Variants in TAFA1 observed in about 807,000 individuals in gnomAD.
The protein encoded by TAFA1 is chemokine-like protein TAFA-1.
In TAFA1, 4 loss-of-function variants were observed where a neutral mutation model predicts 18.5. The ratio of observed to expected loss-of-function variants is 0.22; its 90% confidence interval spans 0.11 to 0.49. The LOEUF (loss-of-function observed/expected upper bound fraction) is 0.49, where lower values mean the gene tolerates loss of function less well. Among genes scored for constraint, TAFA1 ranks in the 20% least tolerant of loss-of-function variants. TAFA1 has a pLI of 0.98. For synonymous variants in TAFA1, 56 were observed against 55.2 expected (o/e 1.01, Z -0.06); for missense variants, 147 against 169.0 (o/e 0.87, Z 0.72).
chr3:68,165,666 A>T (rs2065974465), intron 2 of TAFA1, among the ~76,000 whole-genome samples: 2 of 152,244 alleles, frequency 1.3e-5, no homozygotes, highest in Non-Finnish European at 2.9e-5. Flanking sequence ...CTGTTTATTT[A>T]ACAAATATTT....
At chr3:68,369,950 G>A (rs993505878) in intron 2 of TAFA1, among the ~76,000 whole-genome samples, 93 of 151,928 alleles carry the variant, frequency 6.1e-4, no homozygotes, top group Admixed American at 5.8e-3. Flanking sequence ...GCTGAATGCC[G>A]AAATGTATAT....
chr3:68,334,904 A>G, intron 2 of TAFA1, among the ~76,000 whole-genome samples: 1 of 152,184 alleles, frequency 6.6e-6, no homozygotes, highest in Non-Finnish European at 1.5e-5. Flanking sequence ...AAGGTGTCAC[A>G]CATCACTTAT....
chr3:68,451,205 C>T (rs570390357), intron 3 of TAFA1, among the ~76,000 whole-genome samples: 32 of 152,312 alleles, frequency 2.1e-4, no homozygotes, highest in African/African-American at 7.0e-4. Context: ...CTGACCACCT[C>T]ACTCATGCAA....
At chr3:68,305,421 A>G (rs1172577675) in intron 2 of TAFA1, among the ~76,000 whole-genome samples, 3 of 63,370 alleles carry the variant, frequency 4.7e-5, no homozygotes, top group African/African-American at 9.7e-5. Context: ...ATATATATAT[A>G]TATATATATA....
intron 3 of TAFA1, among the ~76,000 whole-genome samples, chr3:68,527,816 T>A (rs1341689680): frequency 6.6e-6 from 1 of 151,734 alleles, no homozygotes; most frequent in Non-Finnish European, 1.5e-5. Flanking sequence ...TTAAAAAAAA[T>A]CTACCGACTG....
intron 2 of TAFA1, among the ~76,000 whole-genome samples, chr3:68,118,262 C>A (rs1252704618): frequency 6.6e-6 from 1 of 152,114 alleles, no homozygotes; most frequent in Non-Finnish European, 1.5e-5. Context: ...TCAAGGAGCA[C>A]ACAACCTAGA....
chr3:68,074,481 T>C (rs1009923905), intron 2 of TAFA1, among the ~76,000 whole-genome samples: 1 of 152,128 alleles, frequency 6.6e-6, no homozygotes, highest in Non-Finnish European at 1.5e-5. Context: ...TGGGCAAATA[T>C]TAAACTTCTT....
chr3:67,998,492 T>A, the TAFA1 span, among the ~76,000 whole-genome samples: 1 of 152,206 alleles, frequency 6.6e-6, no homozygotes, highest in African/African-American at 2.4e-5. Context: ...AACAATGTGA[T>A]CCTTCCCCCT....
At chr3:68,204,723 C>T (rs1287465641) in intron 2 of TAFA1, among the ~76,000 whole-genome samples, 1 of 151,798 alleles carries the variant, frequency 6.6e-6, no homozygotes, top group Non-Finnish European at 1.5e-5. Flanking sequence ...ATATAGAGCT[C>T]TAACTTATTT....
intron 2 of TAFA1, among the ~76,000 whole-genome samples, chr3:68,088,075 C>T (rs1460443675): frequency 6.6e-6 from 1 of 152,080 alleles, no homozygotes; most frequent in African/African-American, 2.4e-5. Flanking sequence ...TTTATTTTTG[C>T]TGAGACAGTC....
chr3:68,273,317 TA>T (rs1559593264), intron 2 of TAFA1, among the ~76,000 whole-genome samples: 1 of 152,180 alleles, frequency 6.6e-6, no homozygotes, highest in Non-Finnish European at 1.5e-5. Context: ...GGGACAGTGG[TA>T]GAAGTTGCAG....
chr3:68,308,877 A>G (rs1354385695), intron 2 of TAFA1, among the ~76,000 whole-genome samples: 2 of 152,162 alleles, frequency 1.3e-5, no homozygotes, highest in African/African-American at 2.4e-5. Context: ...TAGTATCTTA[A>G]TTTAATATTC....
chr3:68,192,340 A>G (rs532602940), intron 2 of TAFA1: 12 of 153,506 alleles, frequency 7.8e-5, no homozygotes, highest in African/African-American at 2.9e-4. Context: ...CTCCAAGATA[A>G]AGTTCTACCT....
At chr3:68,465,731 CAG>C (rs1399835958) in intron 3 of TAFA1, among the ~76,000 whole-genome samples, 3 of 152,124 alleles carry the variant, frequency 2.0e-5, no homozygotes, top group African/African-American at 7.2e-5. Context: ...AGAGAAAAGA[CAG>C]AGAGGGATAT....
chr3:68,013,950 G>A (rs935686252), intron 2 of TAFA1, among the ~76,000 whole-genome samples: 4 of 152,276 alleles, frequency 2.6e-5, no homozygotes, highest in Non-Finnish European at 5.9e-5. Flanking sequence ...GTTGTTCTCT[G>A]AGTCTGCAAG....
At chr3:68,538,367 G>A (rs1331927443) in intron 3 of TAFA1, among the ~76,000 whole-genome samples, 2 of 152,116 alleles carry the variant, frequency 1.3e-5, no homozygotes, top group African/African-American at 4.8e-5. Context: ...TTTGGGAAGG[G>A]TTATTATTAT....
At chr3:68,133,084 A>G (rs2065562708) in intron 2 of TAFA1, among the ~76,000 whole-genome samples, 2 of 152,174 alleles carry the variant, frequency 1.3e-5, no homozygotes, top group African/African-American at 4.8e-5. Flanking sequence ...TTTTCTGCAT[A>G]TGGCTAGCCA....
intron 2 of TAFA1, among the ~76,000 whole-genome samples, chr3:68,118,177 G>A (rs757889740): frequency 1.2e-4 from 18 of 152,128 alleles, no homozygotes; most frequent in Admixed American, 3.9e-4. Context: ...GGAGCCCTGA[G>A]CTTGTTTTCC....
chr3:68,050,569 G>T (rs908772928), intron 2 of TAFA1, among the ~76,000 whole-genome samples: 1 of 152,122 alleles, frequency 6.6e-6, no homozygotes, highest in African/African-American at 2.4e-5. Context: ...CATATAGTAA[G>T]CCCTACCTTT....
Sources: allele counts gnomAD v4.1 joint callset (sites outside exome capture counted in the v4.1 genomes callset), GRCh38; gene constraint gnomAD v4.1.1; transcripts MANE v1.5; gene names NCBI Gene and HGNC (gene_info 2026-07-23, HGNC 2026-07-21).